Variants in PLA2G4C observed in about 807,000 individuals in gnomAD.
The protein encoded by PLA2G4C is cytosolic phospholipase A2 gamma.
Under a neutral mutation model 73.8 loss-of-function variants are expected in PLA2G4C, and 64 were observed. The ratio of observed to expected loss-of-function variants is 0.87; its 90% CI spans 0.71 to 1.07. The LOEUF (loss-of-function observed/expected upper bound fraction) is 1.07. Ranked by LOEUF, PLA2G4C falls within the 50% of genes least tolerant of loss-of-function variation. PLA2G4C has a pLI of 0.00. For synonymous variants in PLA2G4C, 254 were observed against 252.1 expected (o/e 1.01, Z -0.07); for missense variants, 622 against 665.4 (o/e 0.93, Z 0.72).
chr19:48,083,643 C>T (rs2030788093), intron 10 of PLA2G4C, among the ~76,000 whole-genome samples: 1 of 151,810 alleles, frequency 6.6e-6, no homozygotes, highest in Non-Finnish European at 1.5e-5. Flanking sequence ...GATGGGGTTT[C>T]TCCACGTTGG....
At chr19:48,082,188 GA>G (rs2030618426) in intron 10 of PLA2G4C, among the ~76,000 whole-genome samples, 1 of 151,156 alleles carries the variant, frequency 6.6e-6, no homozygotes, top group Non-Finnish European at 1.5e-5. Flanking sequence ...TCGTGTAACA[GA>G]AACCACTTGT....
intron 15 of PLA2G4C, 100 bp downstream of exon 15, chr19:48,054,778 T>C: frequency 8.7e-7 from 1 of 1,153,098 alleles, no homozygotes; most frequent in South Asian, 1.3e-5. Flanking sequence ...AATTAAACCT[T>C]CTTCCTTTGT....
chr19:48,096,780 A>C (rs1190151666), intron 6 of PLA2G4C: 1 of 152,214 alleles, frequency 6.6e-6, no homozygotes, highest in African/African-American at 2.4e-5. Context: ...GAGAGAGATG[A>C]GCTCAAAAGA....
chr19:48,060,464 C>T (rs954012237), intron 14 of PLA2G4C, among the ~76,000 whole-genome samples: 2 of 152,090 alleles, frequency 1.3e-5, no homozygotes, highest in African/African-American at 2.4e-5. Context: ...CTTCCTATTA[C>T]TCTTGCTATT....
intron 12 of PLA2G4C, among the ~76,000 whole-genome samples, chr19:48,071,383 C>CG (rs1482867968): frequency 6.6e-6 from 1 of 152,116 alleles, no homozygotes; most frequent in Non-Finnish European, 1.5e-5. Context: ...CTCCGCCTCC[C>CG]GGGTTCAAGC....
intron 8 of PLA2G4C, 119 bp from the exon 9 acceptor site, chr19:48,088,831 T>TG: frequency 2.5e-6 from 2 of 808,756 alleles, no homozygotes; most frequent in Non-Finnish European, 4.2e-6. Flanking sequence ...AGCCATGGGC[T>TG]CCAATGGCAG....
chr19:48,052,354 C>G (rs1967759146), intron 16 of PLA2G4C: 1 of 152,174 alleles, frequency 6.6e-6, no homozygotes, highest in Admixed American at 6.6e-5. Context: ...GTACTTCCCC[C>G]TTGCTGTTCT....
chr19:48,085,190 A>G, intron 9 of PLA2G4C, 78 bp from the exon 10 acceptor site: 1 of 991,540 alleles, frequency 1.0e-6, no homozygotes, highest in East Asian at 2.4e-5. Flanking sequence ...GCACCAGCAG[A>G]CTGGCATAAA....
At chr19:48,109,227 C>A (rs1268946222) in intron 1 of PLA2G4C, among the ~76,000 whole-genome samples, 4 of 146,758 alleles carry the variant, frequency 2.7e-5, no homozygotes, top group Admixed American at 1.4e-4. Context: ...GGACTTGTAA[C>A]CCCCAGAACC....
At chr19:48,098,336 A>ATTTTT in intron 5 of PLA2G4C, 77 bp from the exon 6 acceptor site, 1 of 1,146,670 alleles carries the variant, frequency 8.7e-7, no homozygotes, top group Non-Finnish European at 1.2e-6. Flanking sequence ...CGTAGGCCAC[A>ATTTTT]TTTTTTTTTA....
At position 48,067,572 on chromosome 19, in the gene PLA2G4C, G is replaced by A. The variant is rs116921526; in HGVS notation, c.1102+219C>T. ...GAAAGCCATCAGTGAGGCTTTTCACGATGACTGGGACTCGCAGCGAGGCCA... is the reference window on the plus strand; with the variant it reads ...GAAAGCCATCAGTGAGGCTTTTCACAATGACTGGGACTCGCAGCGAGGCCA... On this transcript the variant is annotated intron_variant, in intron 13 of 16. Coordinates refer to ENST00000599921, the MANE Select transcript of PLA2G4C (RefSeq NM_003706.3). Among the ~76,000 whole-genome samples, 831 of 152,226 alleles carry A rather than the reference G, an allele frequency of 5.5e-3. 4 individuals are homozygous for A. Among genetic ancestry groups the A allele is most frequent in the South Asian group, 0.016 (75 of 4,816 alleles).
chr19:48,101,866 G>C (rs529449802), intron 4 of PLA2G4C, among the ~76,000 whole-genome samples: 47 of 151,306 alleles, frequency 3.1e-4, no homozygotes, highest in African/African-American at 1.1e-3. Context: ...GTAGAGACAG[G>C]GTTTCACCGT....
chr19:48,078,683 A>G (rs1478212447), intron 10 of PLA2G4C, among the ~76,000 whole-genome samples: 2 of 152,238 alleles, frequency 1.3e-5, no homozygotes, highest in African/African-American at 4.8e-5. Context: ...AGACTGCTAC[A>G]AGGAAAACTA....
intron 9 of PLA2G4C, among the ~76,000 whole-genome samples, chr19:48,086,513 C>T (rs114294752): frequency 2.0e-5 from 3 of 152,234 alleles, no homozygotes; most frequent in African/African-American, 7.2e-5. Flanking sequence ...CCAGCCCACA[C>T]CTGGCTTTGC....
At chr19:48,084,947 G>T (rs1474317839) in intron 10 of PLA2G4C, 112 bp downstream of exon 10, 2 of 759,502 alleles carry the variant, frequency 2.6e-6, no homozygotes, top group East Asian at 5.0e-5. Flanking sequence ...AAATGTGGTT[G>T]TTAGAACCAT....
chr19:48,068,285 C>T (rs536372744), intron 12 of PLA2G4C, among the ~76,000 whole-genome samples: 4 of 121,048 alleles, frequency 3.3e-5, no homozygotes, highest in East Asian at 4.8e-4. Flanking sequence ...AGCCTGATGA[C>T]GGAGCGAGAC....
Position 48,099,779 on chromosome 19 carries a change from C to T in PLA2G4C, c.339G>A (p.Glu113=). The T allele has an allele frequency of 6.2e-7, 1 of 1,613,974 alleles. No individual in the cohort carries two copies. The highest frequency in any genetic ancestry group is 2.2e-5 in the East Asian group (1 of 44,882). ...TCTGTAGGCTCTTAGCCAAGTCCCA[C>T]TCCTGTCGGGTAAATCGATGTTTCA... The part of the protein sequence containing the change: ...ADLKHRFTRQ[E]WDLAKSLQKT... The change falls in exon 5 of 17, where the codon GAG becomes GAA. Residue 113 remains glutamate (E), a synonymous_variant. Coordinates refer to ENST00000599921, the MANE Select transcript of PLA2G4C (RefSeq NM_003706.3).
intron 14 of PLA2G4C, among the ~76,000 whole-genome samples, chr19:48,056,107 C>T (rs760699695): frequency 4.6e-5 from 7 of 152,124 alleles, no homozygotes; most frequent in Non-Finnish European, 7.3e-5. Context: ...CCGTGCTGTC[C>T]TGAACCAGAG....
intron 10 of PLA2G4C, 36 bp downstream of exon 10, chr19:48,085,023 T>G: frequency 6.7e-7 from 1 of 1,494,834 alleles, no homozygotes; most frequent in Non-Finnish European, 9.3e-7. Context: ...ATAAAATATC[T>G]CTAGGCTTTG....
Sources: gnomAD v4.1 joint callset for allele counts (sites outside exome capture counted in the v4.1 genomes callset) on GRCh38, gnomAD v4.1.1 for gene constraint, MANE v1.5 for transcripts, NCBI Gene and HGNC (gene_info 2026-07-23, HGNC 2026-07-21) for gene names.